Variants in ABCE1 observed in about 807,000 individuals in gnomAD.
The protein encoded by ABCE1 is ATP binding cassette subfamily E member 1.
ABCE1 carries 22 observed loss-of-function variants against 83.4 expected under a neutral mutation model. That is an observed-to-expected ratio of 0.26 (90% CI 0.19 to 0.38). The LOEUF (loss-of-function observed/expected upper bound fraction) is 0.38. Among genes scored for constraint, ABCE1 ranks in the 10% least tolerant of loss-of-function variants. ABCE1 has a pLI of 1.00. For missense variants in ABCE1, 330 were observed against 721.9 expected (o/e 0.46, Z 6.22); for synonymous variants, 204 against 233.7 (o/e 0.87, Z 1.16).
At position 145,110,097 on chromosome 4, in the gene ABCE1, T is replaced by C. The variant is rs1339405803; in HGVS notation, c.406-6T>C. 2 of 1,555,288 alleles carry C rather than the reference T, an allele frequency of 1.3e-6. No homozygotes were observed. The highest frequency in any genetic ancestry group is 1.8e-4 in the Middle Eastern group (1 of 5,550). On this transcript the variant is annotated splice_polypyrimidine_tract_variant and splice_region_variant and intron_variant, in intron 5 of 17. Transcript: ENST00000296577. ...ACATGATTCTGTATTTTTTTTTTTTTTTTAGGATCCTCCTGACTGGCAGGA... is the reference window on the plus strand; with the variant it reads ...ACATGATTCTGTATTTTTTTTTTTTCTTTAGGATCCTCCTGACTGGCAGGA...
intron 1 of ABCE1, among the ~76,000 whole-genome samples, chr4:145,102,248 A>G (rs945359298): frequency 2.0e-5 from 3 of 152,226 alleles, no homozygotes; most frequent in African/African-American, 4.8e-5. Context: ...TCTAGAGCCT[A>G]GAATGGATTC....
At chr4:145,124,918 C>T in intron 16 of ABCE1, 72 bp from the exon 17 acceptor site, 1 of 1,036,452 alleles carries the variant, frequency 9.6e-7, no homozygotes, top group Non-Finnish European at 1.5e-6. Context: ...ATTCTTAATA[C>T]CCTTCCTCTC....
chr4:145,123,394 A>G (rs367850740), intron 15 of ABCE1, 37 bp downstream of exon 15: 3 of 1,596,980 alleles, frequency 1.9e-6, no homozygotes, highest in African/African-American at 1.3e-5. Context: ...TTGATTATGT[A>G]TACTGTCCTA....
At chr4:145,114,207 TG>T (rs1749553506) in intron 9 of ABCE1, among the ~76,000 whole-genome samples, 1 of 152,064 alleles carries the variant, frequency 6.6e-6, no homozygotes, top group Non-Finnish European at 1.5e-5. Flanking sequence ...ATAGGCTCTT[TG>T]GGGAAGGCAA....
chr4:145,119,997 G>T lies in ABCE1; in HGVS notation c.988G>T (p.Val330Phe). The T allele has an allele frequency of 6.2e-7, 1 of 1,612,656 alleles. No individual in the cohort carries two copies. Among genetic ancestry groups the T allele is most frequent in the Non-Finnish European group, 8.5e-7 (1 of 1,179,182 alleles). The change falls in exon 11 of 18, where the codon GTT (valine) becomes TTT (phenylalanine). Residue 330 changes from valine (V) to phenylalanine (F), a missense_variant. Transcript: ENST00000296577. ...CTTGAGATTCAGAGATGCATCACTT[G>T]TTTTTAAAGTGGCTGAGACAGCAAA... ...ENLRFRDASL[V>F]FKVAETANEE...
chr4:145,104,316 C>T, intron 1 of ABCE1, 70 bp from the exon 2 acceptor site: 6 of 535,848 alleles, frequency 1.1e-5, no homozygotes, highest in Non-Finnish European at 1.6e-5. Flanking sequence ...TTTATGTTTT[C>T]CTGTCTTTCA....
intron 17 of ABCE1, among the ~76,000 whole-genome samples, chr4:145,126,065 A>C (rs1749879429): frequency 2.6e-5 from 4 of 151,934 alleles, no homozygotes. Flanking sequence ...CAACCCCCGC[A>C]AAAAAAGTAT....
chr4:145,125,083 C>T lies in ABCE1; in HGVS notation c.1734C>T (p.Asn578=). 1.2e-5 allele frequency: 19 copies of T among 1,605,804 alleles called. No homozygotes were observed. Among genetic ancestry groups the T allele is most frequent in the Non-Finnish European group, 1.4e-5 (17 of 1,173,276 alleles). ...RDPNNYRPRI[N]KLNSIKDVEQ... is the part of the protein sequence containing the mutation. ...CAAACAACTATAGGCCACGAATAAA[C>T]AAACTTAATTCAATTAAGGTATGTA... The change falls in exon 17 of 18, where the codon AAC becomes AAT. Residue 578 remains asparagine (N), a synonymous_variant. Transcript: ENST00000296577.
intron 9 of ABCE1, among the ~76,000 whole-genome samples, chr4:145,113,370 C>T (rs1296960879): frequency 2.0e-5 from 3 of 152,120 alleles, no homozygotes; most frequent in Admixed American, 1.3e-4. Flanking sequence ...GCCAGCAGCT[C>T]GCCTGGCTAT....
At position 145,120,902 on chromosome 4, in the gene ABCE1, A is replaced by G. The variant is rs1749722268; in HGVS notation, c.1145-272A>G. The G allele has an allele frequency of 2.3e-5, 8 of 353,376 alleles. 1 individual carries two copies. In the South Asian group the frequency reaches 3.5e-4, roughly 15 times the overall value. 21.9% of individuals were successfully genotyped at this position (353,376 alleles called of 1,614,324 possible). A position where few individuals can be genotyped will look rare whatever the true frequency, so the allele number is the denominator to read the frequency against. ...ATAATTTAGCTAAGTAGATCTTTTC[A>G]AACTATTGCAGGATTTAAACTTTAT... is the stretch of plus-strand genomic sequence containing the variant. On this transcript the variant is annotated intron_variant, in intron 11 of 17. Coordinates refer to ENST00000296577, the MANE Select transcript of ABCE1 (RefSeq NM_002940.3).
Position 145,127,226 on chromosome 4 carries a change from TA to T in ABCE1, c.1753-298del, listed in dbSNP as rs1749911238. On this transcript the variant is annotated intron_variant, in intron 17 of 17. Coordinates refer to ENST00000296577, the MANE Select transcript of ABCE1 (RefSeq NM_002940.3). ...AAGTTGCATTGATGAAAATGGAATT[TA>T]ATAGTTTTCCTAGAAATAATAACAC... is the stretch of plus-strand genomic sequence containing the variant. Among the ~76,000 whole-genome samples the T allele has an allele frequency of 2.0e-5, 3 of 152,332 alleles. No homozygotes were observed. In the South Asian group the frequency reaches 6.2e-4, roughly 32 times the overall value.
chr4:145,112,755 C>G (rs944587355), intron 9 of ABCE1, among the ~76,000 whole-genome samples: 22 of 152,130 alleles, frequency 1.4e-4, no homozygotes, highest in African/African-American at 4.8e-4. Flanking sequence ...TGTTAGTATT[C>G]AAAATACGCT....
At chr4:145,104,634 T>C (rs995021408) in intron 2 of ABCE1, 119 bp downstream of exon 2, 4 of 589,988 alleles carry the variant, frequency 6.8e-6, no homozygotes, top group Non-Finnish European at 1.1e-5. Context: ...TTCATAAAAC[T>C]GTGAAGACAA....
rs1256341264 is a variant in ABCE1 at position 145,127,654 on chromosome 4, G to A, written c.*81G>A. The A allele has an allele frequency of 7.4e-6, 8 of 1,075,616 alleles. No homozygotes were observed. In the Admixed American group the frequency reaches 1.1e-4, roughly 15 times the overall value. 66.6% of individuals were successfully genotyped at this position (1,075,616 alleles called of 1,614,324 possible). The stretch of plus-strand genomic sequence containing the variant: ...TTTTGTCATATAAAACTTGAATCAG[G>A]ATTTTATGCCCCACATACTCTGGAA... On this transcript the variant is annotated 3_prime_UTR_variant, in exon 18 of 18. Coordinates refer to ENST00000296577, the MANE Select transcript of ABCE1 (RefSeq NM_002940.3).
intron 9 of ABCE1, 82 bp downstream of exon 9, chr4:145,112,410 C>A: frequency 1.1e-6 from 1 of 922,458 alleles, no homozygotes; most frequent in Non-Finnish European, 1.6e-6. Flanking sequence ...CTGGGACTGT[C>A]AATGTGATGT....
Position 145,123,332 on chromosome 4 carries a change from C to A in ABCE1, c.1492C>A (p.Leu498Met). The A allele has an allele frequency of 6.2e-7, 1 of 1,607,564 alleles. No individual in the cohort carries two copies. The highest frequency in any genetic ancestry group is 8.5e-7 in the Non-Finnish European group (1 of 1,177,494). ...TGCATATTTGGATTCTGAGCAAAGA[C>A]TGATGGCAGCTCGAGTTGTCAAACG... is the stretch of plus-strand genomic sequence containing the variant. Reference protein sequence around the residue: ...PSAYLDSEQRLMAARVVKRFI... With the variant: ...PSAYLDSEQRMMAARVVKRFI... Residue 498 changes from leucine (L) to methionine (M), a missense_variant, in exon 15 of 18, where the codon CTG (leucine) becomes ATG (methionine). Transcript: ENST00000296577.
Position 145,110,963 on chromosome 4 carries a change from T to C in ABCE1, c.614-5T>C. 2 of 1,601,514 alleles carry C rather than the reference T, an allele frequency of 1.2e-6. No individual in the cohort carries two copies. Among genetic ancestry groups the C allele is most frequent in the South Asian group, 1.1e-5 (1 of 89,410 alleles). On this transcript the variant is annotated splice_polypyrimidine_tract_variant and splice_region_variant and intron_variant, in intron 7 of 17. Coordinates refer to ENST00000296577, the MANE Select transcript of ABCE1 (RefSeq NM_002940.3). Reference sequence around the variant, plus strand: ...TTGAGCACAATGCCTCTATGTTCTTTGTAGATTTAACCCACCTAAAAGAAC... The same window carrying C: ...TTGAGCACAATGCCTCTATGTTCTTCGTAGATTTAACCCACCTAAAAGAAC...
chr4:145,124,929 A>T, intron 16 of ABCE1, 61 bp from the exon 17 acceptor site: 1 of 1,208,844 alleles, frequency 8.3e-7, no homozygotes, highest in East Asian at 2.3e-5. Flanking sequence ...CCTTCCTCTC[A>T]AAAGGTAGTT....
At chr4:145,109,838 A>T (rs1005326185) in intron 5 of ABCE1, among the ~76,000 whole-genome samples, 5 of 152,176 alleles carry the variant, frequency 3.3e-5, no homozygotes, top group East Asian at 1.9e-4. Flanking sequence ...AGCAGGAAAC[A>T]TTCCTTCCAG....
Sources: gnomAD v4.1 joint callset for allele counts (sites outside exome capture counted in the v4.1 genomes callset) on GRCh38, gnomAD v4.1.1 for gene constraint, MANE v1.5 for transcripts, NCBI Gene and HGNC (gene_info 2026-07-23, HGNC 2026-07-21) for gene names.